IL1RAPL2: variants seen among roughly 807,000 people sequenced by gnomAD.
IL1RAPL2 encodes the protein interleukin 1 receptor accessory protein like 2, also known as X-linked interleukin-1 receptor accessory protein-like 2.
In IL1RAPL2, 3 loss-of-function variants were observed where a neutral mutation model predicts 44.1. That is an observed-to-expected ratio of 0.07 (90% CI 0.03 to 0.18). The LOEUF (loss-of-function observed/expected upper bound fraction) is 0.18. Ranked by LOEUF, IL1RAPL2 falls within the 10% of genes least tolerant of loss-of-function variation. The pLI is 1.00. For missense variants in IL1RAPL2, 391 were observed against 496.4 expected (o/e 0.79, Z 2.02); for synonymous variants, 181 against 178.8 (o/e 1.01, Z -0.10).
chrX:104,817,811 AGACT>A (rs1921177911), intron 2 of IL1RAPL2, among the ~76,000 whole-genome samples: 1 of 111,807 alleles, frequency 8.9e-6, no homozygotes, highest in Non-Finnish European at 1.9e-5. Flanking sequence ...TGTTTAAGAA[AGACT>A]ATCTCTTCTT....
intron 5 of IL1RAPL2, among the ~76,000 whole-genome samples, chrX:105,425,337 C>T (rs1569439118): frequency 9.1e-6 from 1 of 110,049 alleles, no homozygotes; most frequent in Admixed American, 9.7e-5. Context: ...AAGAAAAATA[C>T]GGAGGAGGAA....
At chrX:104,949,714 T>G (rs1443933673) in intron 2 of IL1RAPL2, among the ~76,000 whole-genome samples, 1 of 111,215 alleles carries the variant, frequency 9.0e-6, no homozygotes, top group African/African-American at 3.3e-5. Context: ...TCAGTTTCCA[T>G]GTAGTTGAGC....
intron 2 of IL1RAPL2, among the ~76,000 whole-genome samples, chrX:104,811,035 G>A (rs1477722352): frequency 1.8e-5 from 2 of 111,909 alleles, no homozygotes; most frequent in Non-Finnish European, 3.8e-5. Context: ...CTGCCACTCT[G>A]GCTTTATTAT....
intron 2 of IL1RAPL2, among the ~76,000 whole-genome samples, chrX:104,925,315 C>T (rs1448419349): frequency 4.6e-5 from 5 of 109,291 alleles, no homozygotes; most frequent in African/African-American, 1.7e-4. Flanking sequence ...GAAACTATTC[C>T]AAAAAAATCG....
rs187342677 is a variant in IL1RAPL2, at chrX:105,530,536, T to A, written c.772+46149T>A. 1.9e-3 allele frequency among the ~76,000 whole-genome samples: 214 copies of A among 111,609 alleles called. 2 individuals are homozygous for A. Among genetic ancestry groups the A allele is most frequent in the Non-Finnish European group, 3.1e-3 (164 of 53,011 alleles). ...AGGAATGTAATATGTAATAATCACA[T>A]CATGGATAATGGGTTGTCCATTTCC... On this transcript the variant is annotated intron_variant, in intron 6 of 10. Transcript: ENST00000372582.
At chrX:104,746,618 CAG>C (rs1305281250) in intron 2 of IL1RAPL2, among the ~76,000 whole-genome samples, 1 of 111,459 alleles carries the variant, frequency 9.0e-6, no homozygotes, top group East Asian at 2.8e-4. Context: ...TGGGATGAGT[CAG>C]AACTTTTTTT....
At chrX:105,109,243 T>C (rs1429374678) in intron 2 of IL1RAPL2, among the ~76,000 whole-genome samples, 2 of 112,147 alleles carry the variant, frequency 1.8e-5, no homozygotes, top group African/African-American at 6.5e-5. Flanking sequence ...GAACTGTGTC[T>C]GTCTAATTCA....
intron 2 of IL1RAPL2, among the ~76,000 whole-genome samples, chrX:104,985,512 T>C (rs2030545421): frequency 8.9e-6 from 1 of 112,272 alleles, no homozygotes; most frequent in South Asian, 3.7e-4. Flanking sequence ...TAATGCTGCA[T>C]AGCTAAATTG....
intron 2 of IL1RAPL2, among the ~76,000 whole-genome samples, chrX:104,992,505 T>C (rs2030680017): frequency 9.0e-6 from 1 of 111,067 alleles, no homozygotes; most frequent in African/African-American, 3.3e-5. Context: ...TAGCCATAGA[T>C]TATTGCTGCA....
At chrX:105,523,570 GT>G (rs1317965909) in intron 6 of IL1RAPL2, among the ~76,000 whole-genome samples, 5 of 111,161 alleles carry the variant, frequency 4.5e-5, no homozygotes, top group Admixed American at 9.6e-5. Flanking sequence ...GAAACAAATT[GT>G]TTCATCCATC....
chrX:105,143,995 A>C (rs2033152666), intron 2 of IL1RAPL2, among the ~76,000 whole-genome samples: 2 of 109,048 alleles, frequency 1.8e-5, no homozygotes, highest in Admixed American at 2.0e-4. Context: ...ATAATAAAAC[A>C]AAACAAAACA....
intron 2 of IL1RAPL2, among the ~76,000 whole-genome samples, chrX:104,806,706 A>G (rs1418045919): frequency 8.9e-6 from 1 of 112,602 alleles, no homozygotes; most frequent in African/African-American, 3.2e-5. Flanking sequence ...CACTGCAGTA[A>G]AAGAAGCAGC....
intron 6 of IL1RAPL2, among the ~76,000 whole-genome samples, chrX:105,700,405 A>G (rs1008218150): frequency 4.5e-5 from 5 of 112,140 alleles, no homozygotes; most frequent in Non-Finnish European, 9.4e-5. Flanking sequence ...AAAGATGTAC[A>G]TTGTAAAAAC....
chrX:105,069,491 TGTA>T (rs1450975824), intron 2 of IL1RAPL2, among the ~76,000 whole-genome samples: 1 of 112,085 alleles, frequency 8.9e-6, no homozygotes, highest in East Asian at 2.8e-4. Context: ...ACGAAAACAA[TGTA>T]GTATATTTTA....
intron 2 of IL1RAPL2, among the ~76,000 whole-genome samples, chrX:104,921,012 C>G (rs535115072): frequency 3.6e-5 from 4 of 111,060 alleles, no homozygotes; most frequent in Non-Finnish European, 7.5e-5. Context: ...GCCCCCAGAC[C>G]GGTGCCATTC....
intron 9 of IL1RAPL2, chrX:105,753,062 T>C (rs1053550369): frequency 3.1e-6 from 1 of 326,314 alleles, no homozygotes; most frequent in Non-Finnish European, 5.9e-6. Context: ...TTAGAAAATG[T>C]AAGTATAGAA....
At chrX:105,294,058 G>A (rs2034636707) in intron 5 of IL1RAPL2, among the ~76,000 whole-genome samples, 1 of 112,346 alleles carries the variant, frequency 8.9e-6, no homozygotes, top group Non-Finnish European at 1.9e-5. Flanking sequence ...GAAAAACAAT[G>A]AGGAACGTTA....
At chrX:104,755,146 AT>A (rs1703887144) in intron 2 of IL1RAPL2, among the ~76,000 whole-genome samples, 1 of 111,630 alleles carries the variant, frequency 9.0e-6, no homozygotes, top group South Asian at 3.7e-4. Context: ...GATCAACAAT[AT>A]CATACTCACG....
intron 2 of IL1RAPL2, among the ~76,000 whole-genome samples, chrX:104,674,597 T>A (rs1930702376): frequency 9.0e-6 from 1 of 111,455 alleles, no homozygotes; most frequent in African/African-American, 3.3e-5. Flanking sequence ...GGTATCAGAA[T>A]TATGCTGGCC....
Sources: allele counts gnomAD v4.1 joint callset (sites outside exome capture counted in the v4.1 genomes callset), GRCh38; gene constraint gnomAD v4.1.1; transcripts MANE v1.5; gene names NCBI Gene and HGNC (gene_info 2026-07-23, HGNC 2026-07-21).